Variants in LRCH1 observed in about 807,000 individuals in gnomAD.
LRCH1 encodes the protein leucine-rich repeat and calponin homology domain-containing protein 1.
LRCH1 carries 23 observed loss-of-function variants against 94.9 expected under a neutral mutation model. The ratio of observed to expected loss-of-function variants is 0.24; its 90% CI spans 0.17 to 0.34. The LOEUF is 0.34. Among genes scored for constraint, LRCH1 ranks in the 10% least tolerant of loss-of-function variants. The pLI is 1.00. For synonymous variants in LRCH1, 364 were observed against 354.9 expected, an observed-to-expected ratio of 1.03 and a Z score of -0.29; for missense variants, 790 against 945.9, an observed-to-expected ratio of 0.84 and a Z score of 2.16.
At chr13:46,623,640 G>T (rs969345212) in intron 1 of LRCH1, among the ~76,000 whole-genome samples, 1 of 149,130 alleles carries the variant, frequency 6.7e-6, no homozygotes, top group East Asian at 2.0e-4. Context: ...TTCCACCACT[G>T]CTGCCCCGCC....
At chr13:46,650,104 A>G in intron 1 of LRCH1, 97 bp from the exon 2 acceptor site, 1 of 771,332 alleles carries the variant, frequency 1.3e-6, no homozygotes, top group South Asian at 2.3e-5. Context: ...TGTTGGTCAA[A>G]ATGTATAATG....
At chr13:46,669,590 C>G (rs2138118360) in intron 3 of LRCH1, among the ~76,000 whole-genome samples, 1 of 152,262 alleles carries the variant, frequency 6.6e-6, no homozygotes. Flanking sequence ...TTTTAGAAAT[C>G]ATTGTCGCAA....
chr13:46,642,719 T>C (rs1290302821), intron 1 of LRCH1, among the ~76,000 whole-genome samples: 1 of 152,206 alleles, frequency 6.6e-6, no homozygotes, highest in Non-Finnish European at 1.5e-5. Flanking sequence ...TCGGACCCTT[T>C]CTGGGAACTA....
At chr13:46,643,063 T>G (rs1228903150) in intron 1 of LRCH1, among the ~76,000 whole-genome samples, 1 of 152,198 alleles carries the variant, frequency 6.6e-6, no homozygotes, top group African/African-American at 2.4e-5. Context: ...CACAAATTCT[T>G]TATCTGCATG....
chr13:46,625,631 G>GTTTTTTTTTTTTTTTTTTTTT (rs149512536), intron 1 of LRCH1, among the ~76,000 whole-genome samples: 1 of 126,264 alleles, frequency 7.9e-6, no homozygotes, highest in Non-Finnish European at 1.6e-5. Flanking sequence ...AAATGTGTGG[G>GTTTTTTTTTTTTTTTTTTTTT]GTTTTTTTTT....
chr13:46,705,525 A>G (rs1593365651), intron 13 of LRCH1: 1 of 662,794 alleles, frequency 1.5e-6, no homozygotes, highest in Non-Finnish European at 2.7e-6. Flanking sequence ...AGAGTTGGCT[A>G]TTTCTATTAG....
chr13:46,701,257 A>G (rs373086963), intron 11 of LRCH1, 50 bp downstream of exon 11: 1 of 1,274,190 alleles, frequency 7.8e-7, no homozygotes, highest in African/African-American at 1.5e-5. Context: ...ATGCATACTA[A>G]TGTATGGAGT....
chr13:46,682,212 C>T (rs918754369), intron 4 of LRCH1, among the ~76,000 whole-genome samples: 14 of 151,988 alleles, frequency 9.2e-5, no homozygotes, highest in African/African-American at 3.4e-4. Context: ...GATCAAGGTG[C>T]CAGCAGGGTT....
At chr13:46,687,820 A>G (rs767602621) in intron 5 of LRCH1, 32 bp from the exon 6 acceptor site, 28 of 1,588,044 alleles carry the variant, frequency 1.8e-5, no homozygotes, top group Non-Finnish European at 1.9e-5. Flanking sequence ...GTCATTGAAA[A>G]ATGAATATGA....
intron 7 of LRCH1, among the ~76,000 whole-genome samples, chr13:46,689,879 A>G (rs892437216): frequency 1.3e-5 from 2 of 152,170 alleles, no homozygotes; most frequent in Non-Finnish European, 2.9e-5. Flanking sequence ...ACACTAATGT[A>G]TCATTAAATG....
chr13:46,567,622 G>A (rs918296784), intron 1 of LRCH1, among the ~76,000 whole-genome samples: 1 of 151,986 alleles, frequency 6.6e-6, no homozygotes, highest in Non-Finnish European at 1.5e-5. Flanking sequence ...ACTCTTAGCT[G>A]TGGTTTGTTC....
intron 1 of LRCH1, among the ~76,000 whole-genome samples, chr13:46,630,270 C>A (rs536605135): frequency 1.2e-3 from 188 of 152,306 alleles, no homozygotes; most frequent in African/African-American, 4.0e-3. Flanking sequence ...ATGGGGCAGA[C>A]TATTTTTCTG....
chr13:46,619,064 T>TTCCCTTCCTTCC (rs2050847076), intron 1 of LRCH1, among the ~76,000 whole-genome samples: 1 of 114,652 alleles, frequency 8.7e-6, no homozygotes, highest in African/African-American at 3.6e-5. Context: ...TCTTTTCTTT[T>TTCCCTTCCTTCC]TTCCTTCCTT....
At chr13:46,667,853 C>A (rs909741339) in intron 2 of LRCH1, among the ~76,000 whole-genome samples, 6 of 152,110 alleles carry the variant, frequency 3.9e-5, no homozygotes, top group Non-Finnish European at 5.9e-5. Flanking sequence ...ATCCATTGTA[C>A]CTATACCCGA....
At chr13:46,599,026 T>C (rs1162925752) in intron 1 of LRCH1, among the ~76,000 whole-genome samples, 1 of 152,136 alleles carries the variant, frequency 6.6e-6, no homozygotes, top group Non-Finnish European at 1.5e-5. Context: ...AAACCACCAT[T>C]CTGTTTTCCA....
chr13:46,656,824 A>G (rs2051375263), intron 2 of LRCH1, among the ~76,000 whole-genome samples: 1 of 152,240 alleles, frequency 6.6e-6, no homozygotes, highest in African/African-American at 2.4e-5. Context: ...TGCCATTGGT[A>G]GCTGACAGGC....
intron 1 of LRCH1, among the ~76,000 whole-genome samples, chr13:46,614,065 TTAC>T (rs914469936): frequency 8.6e-5 from 13 of 151,594 alleles, no homozygotes; most frequent in Non-Finnish European, 1.8e-4. Context: ...AGTGAAGTAA[TTAC>T]TACAATTAAA....
Position 46,647,972 on chromosome 13 carries a change from G to A in LRCH1, c.308-2229G>A, listed in dbSNP as rs1371092047. 2.6e-5 allele frequency among the ~76,000 whole-genome samples: 4 copies of A among 152,164 alleles called. No homozygotes were observed. In the East Asian group the frequency reaches 7.7e-4, roughly 29 times the overall value. ...AGCTTTTCCCCAGACCGGGGTGGGGGATGGTTTCAGGATGACTGAAGCGCA... is the reference window on the plus strand; with the variant it reads ...AGCTTTTCCCCAGACCGGGGTGGGGAATGGTTTCAGGATGACTGAAGCGCA... On this transcript the variant is annotated intron_variant, in intron 1 of 19. Coordinates refer to ENST00000389797, the MANE Select transcript of LRCH1 (RefSeq NM_001164211.2).
At chr13:46,631,384 A>G (rs534125767) in intron 1 of LRCH1, among the ~76,000 whole-genome samples, 3 of 152,304 alleles carry the variant, frequency 2.0e-5, no homozygotes, top group South Asian at 2.1e-4. Flanking sequence ...TGCTCAATGC[A>G]TTGTATATTT....
Sources: allele counts gnomAD v4.1 joint callset (sites outside exome capture counted in the v4.1 genomes callset), GRCh38; gene constraint gnomAD v4.1.1; transcripts MANE v1.5; gene names NCBI Gene and HGNC (gene_info 2026-07-23, HGNC 2026-07-21).